Variants in SRGAP2B observed in about 807,000 individuals in gnomAD.
SRGAP2B encodes SLIT-ROBO Rho GTPase activating protein 2B.
Under a neutral mutation model 22.2 loss-of-function variants are expected in SRGAP2B, and 9 were observed. That is an observed-to-expected ratio of 0.41 (90% confidence interval 0.24 to 0.71). SRGAP2B has a LOEUF of 0.71. Ranked by LOEUF, SRGAP2B falls within the 30% of genes least tolerant of loss-of-function variation. SRGAP2B has a pLI of 0.35. For missense variants in SRGAP2B, 114 were observed against 235.8 expected (o/e 0.48, Z 3.38); for synonymous variants, 36 against 87.4 (o/e 0.41, Z 3.28).
intron 5 of SRGAP2B, among the ~76,000 whole-genome samples, chr1:144,909,700 G>C (rs1473757358): frequency 6.6e-6 from 1 of 150,402 alleles, no homozygotes; most frequent in Non-Finnish European, 1.5e-5. Context: ...TGGACTAGGG[G>C]ATACAAGGTT....
rs371531479 is a variant in SRGAP2B at position 145,073,220 on chromosome 1, A to G, written c.67+19615T>C. 9.8e-3 allele frequency among the ~76,000 whole-genome samples: 1,467 copies of G among 149,998 alleles called. 113 individuals are homozygous for G. Among genetic ancestry groups the G allele is most frequent in the African/African-American group, 0.035 (1,380 of 39,926 alleles). On this transcript the variant is annotated intron_variant, in intron 2 of 9. Coordinates refer to ENST00000612199, the Ensembl canonical transcript of SRGAP2B. ...TTGGCACGTAAGAGGGGTGTCATCT[A>G]TTTCACAGTTTCTCTGCAACATTCC...
chr1:144,915,256 C>G (rs1243354150), intron 4 of SRGAP2B, among the ~76,000 whole-genome samples: 1 of 149,138 alleles, frequency 6.7e-6, no homozygotes, highest in Non-Finnish European at 1.5e-5. Flanking sequence ...TTATTTCTAC[C>G]CAAAACTCAC....
chr1:145,047,125 A>C (rs1649872592), intron 2 of SRGAP2B, among the ~76,000 whole-genome samples: 1 of 138,542 alleles, frequency 7.2e-6, no homozygotes, highest in Non-Finnish European at 1.5e-5. Context: ...GCAATGAGCC[A>C]AGATCGCACC....
chr1:145,075,889 A>C (rs1170450090), intron 2 of SRGAP2B, among the ~76,000 whole-genome samples: 1 of 149,408 alleles, frequency 6.7e-6, no homozygotes, highest in Non-Finnish European at 1.5e-5. Flanking sequence ...GGAGTTCAAG[A>C]CCAGCCTGGC....
At position 144,930,583 on chromosome 1, in the gene SRGAP2B, A is replaced by G. The variant is rs1553605559; in HGVS notation, c.424-15829T>C. On this transcript the variant is annotated intron_variant, in intron 4 of 9. Transcript: ENST00000612199. ...TATATGGGGCCATCTGGGGTCTGAG[A>G]AAGATTTGGGCATCTAGTTCGTGAG... is the stretch of plus-strand genomic sequence containing the variant. Among the ~76,000 whole-genome samples, 3 of 150,392 alleles carry G rather than the reference A, an allele frequency of 2.0e-5. 1 individual carries two copies. The highest frequency in any genetic ancestry group is 7.5e-5 in the African/African-American group (3 of 39,976).
chr1:144,957,279 G>A (rs1409362931), intron 3 of SRGAP2B, among the ~76,000 whole-genome samples: 1 of 150,064 alleles, frequency 6.7e-6, no homozygotes, highest in Non-Finnish European at 1.5e-5. Flanking sequence ...AAACCATGAA[G>A]TTCAACTTAG....
At chr1:145,039,386 G>A (rs1379225183) in intron 2 of SRGAP2B, among the ~76,000 whole-genome samples, 1 of 93,240 alleles carries the variant, frequency 1.1e-5, no homozygotes, top group African/African-American at 4.0e-5. Flanking sequence ...GAGGTGGGAG[G>A]ATCACTCGAG....
At chr1:145,044,650 T>TAAAAAAAAAAAAAAA (rs1184404731) in intron 2 of SRGAP2B, among the ~76,000 whole-genome samples, 4 of 30,684 alleles carry the variant, frequency 1.3e-4, no homozygotes, top group East Asian at 1.9e-3. Flanking sequence ...AACCCCCTCC[T>TAAAAAAAAAAAAAAA]AAAAAAAAAA....
chr1:145,061,656 C>T (rs1213684574), intron 2 of SRGAP2B, among the ~76,000 whole-genome samples: 2 of 149,344 alleles, frequency 1.3e-5, no homozygotes, highest in South Asian at 2.1e-4. Context: ...GGTGTGATCT[C>T]GGCTCACTGC....
chr1:144,904,698 CA>C (rs1192600476), intron 7 of SRGAP2B, among the ~76,000 whole-genome samples: 19 of 16,936 alleles, frequency 1.1e-3, no homozygotes, highest in South Asian at 5.6e-3. Context: ...GACTCTATCT[CA>C]AAAAAAAAAA....
chr1:144,916,368 TACTTC>T (rs1461069176), intron 4 of SRGAP2B, among the ~76,000 whole-genome samples: 1 of 139,676 alleles, frequency 7.2e-6, no homozygotes, highest in Non-Finnish European at 1.5e-5. Context: ...CTTGGACATT[TACTTC>T]ACTTCTAAAT....
At chr1:144,944,774 C>T (rs781937703) in intron 4 of SRGAP2B, among the ~76,000 whole-genome samples, 16 of 140,516 alleles carry the variant, frequency 1.1e-4, no homozygotes, top group Non-Finnish European at 2.3e-4. Flanking sequence ...TGCAGTGGCA[C>T]AATCTCAGCT....
chr1:144,939,829 A>C (rs1665892732), intron 4 of SRGAP2B, among the ~76,000 whole-genome samples: 1 of 148,360 alleles, frequency 6.7e-6, no homozygotes, highest in Non-Finnish European at 1.5e-5. Flanking sequence ...CCTCAAAATG[A>C]ACATCAAAAG....
intron 7 of SRGAP2B, 27 bp downstream of exon 7, chr1:144,905,064 C>T: frequency 2.7e-6 from 2 of 734,750 alleles, no homozygotes; most frequent in Non-Finnish European, 2.5e-6. Context: ...AAGAGGTGCC[C>T]TCAGGCCCTT....
chr1:145,088,849 AG>A (rs1384730576), intron 2 of SRGAP2B, among the ~76,000 whole-genome samples: 2 of 140,696 alleles, frequency 1.4e-5, no homozygotes, highest in Admixed American at 7.2e-5. Flanking sequence ...AATGTACATC[AG>A]CCCTCCCCAT....
intron 3 of SRGAP2B, chr1:144,965,095 A>G: frequency 7.7e-7 from 1 of 1,296,444 alleles, no homozygotes; most frequent in Non-Finnish European, 1.1e-6. Flanking sequence ...GATAGTTTAG[A>G]AGGATGCTTG....
intron 2 of SRGAP2B, among the ~76,000 whole-genome samples, chr1:145,058,126 C>G (rs1650596753): frequency 6.7e-6 from 1 of 149,810 alleles, no homozygotes; most frequent in Non-Finnish European, 1.5e-5. Flanking sequence ...GATCCTGGAT[C>G]CCAGTTCCTA....
chr1:145,015,186 A>C, intron 2 of SRGAP2B, among the ~76,000 whole-genome samples: 1 of 104,156 alleles, frequency 9.6e-6, no homozygotes, highest in African/African-American at 4.1e-5. Flanking sequence ...AAGCAATTCT[A>C]GTGAGCCTCA....
chr1:145,023,139 C>T (rs1269401450), intron 2 of SRGAP2B, among the ~76,000 whole-genome samples: 10 of 145,636 alleles, frequency 6.9e-5, no homozygotes, highest in Non-Finnish European at 1.5e-4. Context: ...TGCACTCCAG[C>T]CTGGTGACAG....
Sources: gnomAD v4.1 joint callset for allele counts (sites outside exome capture counted in the v4.1 genomes callset) on GRCh38, gnomAD v4.1.1 for gene constraint, MANE v1.5 for transcripts, NCBI Gene and HGNC (gene_info 2026-07-23, HGNC 2026-07-21) for gene names.